The following CSMD1 variants were observed in gnomAD, a reference collection of about 807,000 sequenced individuals.
CSMD1 encodes CUB and Sushi multiple domains 1, also known as CUB and sushi domain-containing protein 1.
CSMD1 carries 213 observed loss-of-function variants against 417.5 expected under a neutral mutation model. The ratio of observed to expected loss-of-function variants is 0.51; its 90% CI spans 0.46 to 0.57. The LOEUF (loss-of-function observed/expected upper bound fraction) is 0.57, where lower values mean the gene tolerates loss of function less well. CSMD1 is among the 20% of genes least tolerant of loss of function. The pLI is 0.00. For missense variants in CSMD1, 6,923 were observed against 4,529.7 expected, an observed-to-expected ratio of 1.53 and a Z score of -15.17; for synonymous variants, 2,862 against 1,736.8, an observed-to-expected ratio of 1.65 and a Z score of -16.11.
At chr8:3,995,243 G>C (rs750334384) in intron 5 of CSMD1, among the ~76,000 whole-genome samples, 4 of 152,082 alleles carry the variant, frequency 2.6e-5, no homozygotes, top group African/African-American at 9.7e-5. Flanking sequence ...AGTTATTTAG[G>C]AGAACCATCT....
chr8:3,241,310 CAG>C lies in CSMD1; in HGVS notation c.4154-11081_4154-11080del, dbSNP rs1563176159. ...GAAGCCTGGCCGTCAATACCCACAACAGTTATGGAGGCAAGGGAAACAGGTCC... is the reference window on the plus strand; with the variant it reads ...GAAGCCTGGCCGTCAATACCCACAACTTATGGAGGCAAGGGAAACAGGTCC... On this transcript the variant is annotated intron_variant, in intron 26 of 69. Transcript: ENST00000635120. 2.4e-3 allele frequency among the ~76,000 whole-genome samples: 354 copies of C among 149,960 alleles called. 2 individuals carry two copies. The highest frequency in any genetic ancestry group is 6.2e-3 in the African/African-American group (254 of 41,010).
intron 5 of CSMD1, among the ~76,000 whole-genome samples, chr8:3,976,324 G>A (rs1025746167): frequency 6.6e-6 from 1 of 152,002 alleles, no homozygotes; most frequent in Non-Finnish European, 1.5e-5. Context: ...GAGTCAATGC[G>A]TTTTTAATTA....
intron 5 of CSMD1, among the ~76,000 whole-genome samples, chr8:3,803,351 G>A (rs891406510): frequency 1.3e-5 from 2 of 152,136 alleles, no homozygotes; most frequent in South Asian, 2.1e-4. Flanking sequence ...GACAAGACAA[G>A]ACAAGACTTG....
intron 37 of CSMD1, among the ~76,000 whole-genome samples, chr8:3,177,311 C>G (rs912969392): frequency 2.6e-5 from 4 of 152,160 alleles, no homozygotes; most frequent in African/African-American, 9.7e-5. Flanking sequence ...AGGGGCACAG[C>G]TGGAGGCCAG....
At chr8:3,182,815 G>GGCCTCTGGCTGA (rs1821456674) in intron 36 of CSMD1, among the ~76,000 whole-genome samples, 1 of 97,662 alleles carries the variant, frequency 1.0e-5, no homozygotes, top group Non-Finnish European at 2.0e-5. Context: ...TGGTCTCGGG[G>GGCCTCTGGCTGA]GACTCTGGCT....
chr8:4,949,379 G>C (rs558519856), intron 1 of CSMD1, among the ~76,000 whole-genome samples: 1 of 152,128 alleles, frequency 6.6e-6, no homozygotes, highest in Non-Finnish European at 1.5e-5. Flanking sequence ...TAAAATTGCA[G>C]TCATCTATAC....
chr8:4,629,615 T>C (rs1181623448), intron 2 of CSMD1, among the ~76,000 whole-genome samples: 2 of 152,224 alleles, frequency 1.3e-5, no homozygotes, highest in Non-Finnish European at 2.9e-5. Flanking sequence ...CATTCAGTTT[T>C]ATATGTGATT....
At chr8:3,864,164 T>C (rs139345281) in intron 5 of CSMD1, among the ~76,000 whole-genome samples, 3,429 of 152,266 alleles carry the variant, frequency 0.023, 49 homozygotes, top group Middle Eastern at 0.054. Context: ...ACCTTTAATA[T>C]TATAGGAAAT....
At chr8:4,365,181 C>G (rs577614223) in intron 3 of CSMD1, among the ~76,000 whole-genome samples, 35 of 152,150 alleles carry the variant, frequency 2.3e-4, no homozygotes, top group Admixed American at 2.2e-3. Context: ...TAGTTTTGCT[C>G]ACAATAAATA....
intron 5 of CSMD1, among the ~76,000 whole-genome samples, chr8:3,919,927 G>C (rs1340927192): frequency 1.3e-5 from 2 of 151,904 alleles, no homozygotes; most frequent in African/African-American, 2.4e-5. Context: ...TTCTTTATCA[G>C]ATAATTTGAC....
At chr8:3,359,083 C>T in intron 21 of CSMD1, 69 bp downstream of exon 21, 1 of 1,515,904 alleles carries the variant, frequency 6.6e-7, no homozygotes, top group South Asian at 1.1e-5. Flanking sequence ...CCCCGACCAC[C>T]CTAGGCTTCT....
intron 12 of CSMD1, among the ~76,000 whole-genome samples, chr8:3,444,515 G>T (rs755765848): frequency 6.6e-6 from 1 of 152,098 alleles, no homozygotes; most frequent in Non-Finnish European, 1.5e-5. Flanking sequence ...CCCTCATTGG[G>T]ACATTTGGCA....
chr8:3,376,604 TA>T (rs993360258), intron 18 of CSMD1, among the ~76,000 whole-genome samples: 2 of 151,948 alleles, frequency 1.3e-5, no homozygotes, highest in African/African-American at 2.4e-5. Context: ...TTTCTTTAAT[TA>T]AAAAAAATTT....
At chr8:4,340,368 A>G (rs1800405720) in intron 3 of CSMD1, among the ~76,000 whole-genome samples, 1 of 152,010 alleles carries the variant, frequency 6.6e-6, no homozygotes, top group South Asian at 2.1e-4. Flanking sequence ...CCTAGTTAAA[A>G]ATGTAGAAAA....
chr8:3,604,334 G>A (rs1047842549), intron 8 of CSMD1, among the ~76,000 whole-genome samples: 9 of 152,160 alleles, frequency 5.9e-5, no homozygotes, highest in Non-Finnish European at 1.0e-4. Context: ...AGATTGTGTG[G>A]CCAGGAAGTA....
chr8:4,284,880 C>G (rs1231563397), intron 3 of CSMD1, among the ~76,000 whole-genome samples: 1 of 152,082 alleles, frequency 6.6e-6, no homozygotes, highest in Non-Finnish European at 1.5e-5. Context: ...GTTTAAAAAA[C>G]ACTTTTCTGT....
chr8:4,677,203 A>T (rs1375061419), intron 1 of CSMD1, among the ~76,000 whole-genome samples: 1 of 150,722 alleles, frequency 6.6e-6, no homozygotes, highest in Non-Finnish European at 1.5e-5. Flanking sequence ...TATACATAAT[A>T]GTTCTTAAGT....
chr8:3,163,019 A>G (rs1294303566), intron 37 of CSMD1, among the ~76,000 whole-genome samples: 2 of 152,212 alleles, frequency 1.3e-5, no homozygotes, highest in Admixed American at 1.3e-4. Flanking sequence ...ATATGCAGCT[A>G]CCATATTTTG....
At chr8:4,951,870 T>C (rs566591839) in intron 1 of CSMD1, among the ~76,000 whole-genome samples, 1 of 151,574 alleles carries the variant, frequency 6.6e-6, no homozygotes, top group Non-Finnish European at 1.5e-5. Flanking sequence ...CCACCCTGCA[T>C]ATACAATGAG....
Sources: gnomAD v4.1 joint callset for allele counts (sites outside exome capture counted in the v4.1 genomes callset) on GRCh38, gnomAD v4.1.1 for gene constraint, MANE v1.5 for transcripts, NCBI Gene and HGNC (gene_info 2026-07-23, HGNC 2026-07-21) for gene names.